Variants in SLC25A16 observed in about 807,000 individuals in gnomAD.
SLC25A16 encodes mitochondrial coenzyme A transporter SLC25A16.
A neutral mutation model predicts 41.5 loss-of-function variants in SLC25A16; 39 were observed. The ratio of observed to expected loss-of-function variants is 0.94; its 90% confidence interval spans 0.73 to 1.23. The LOEUF is 1.23. SLC25A16 is among the 50% of genes most tolerant of loss of function. The pLI is 0.00. For missense variants in SLC25A16, 421 were observed against 426.9 expected (o/e 0.99, Z 0.12); for synonymous variants, 146 against 147.8 (o/e 0.99, Z 0.09).
At chr10:68,515,759 T>C (rs574913874) in intron 2 of SLC25A16, among the ~76,000 whole-genome samples, 3 of 152,082 alleles carry the variant, frequency 2.0e-5, no homozygotes, top group South Asian at 2.1e-4. Flanking sequence ...GGTCGCGCCA[T>C]TGCACTCCAG....
Position 68,483,233 on chromosome 10 carries a change from A to C in SLC25A16, c.*199T>G. ...TAGGAATATTTTCTTCAATGTTCTAAGGTATAATGTTTGGCATCAAAAAGT... is the reference window on the plus strand; with the variant it reads ...TAGGAATATTTTCTTCAATGTTCTACGGTATAATGTTTGGCATCAAAAAGT... On this transcript the variant is annotated 3_prime_UTR_variant, in exon 9 of 9. Coordinates refer to ENST00000609923, the MANE Select transcript of SLC25A16 (RefSeq NM_152707.4). The C allele has an allele frequency of 2.2e-6, 1 of 453,468 alleles. No individual in the cohort carries two copies. The highest frequency in any genetic ancestry group is 3.9e-6 in the Non-Finnish European group (1 of 256,314). 28.1% of individuals were successfully genotyped at this position (453,468 alleles called of 1,614,324 possible). A position where few individuals can be genotyped will look rare whatever the true frequency, so the allele number is the denominator to read the frequency against.
intron 4 of SLC25A16, among the ~76,000 whole-genome samples, chr10:68,497,583 T>TTTTTCTTC (rs976338103): frequency 6.6e-6 from 1 of 151,950 alleles, no homozygotes; most frequent in African/African-American, 2.4e-5. Context: ...ACTGTATGTC[T>TTTTTCTTC]TTTTCTTCTT....
Position 68,487,089 on chromosome 10 carries a change from G to C in SLC25A16, c.842+55C>G, listed in dbSNP as rs2052576855. 7 of 1,358,474 alleles carry C rather than the reference G, an allele frequency of 5.2e-6. No individual in the cohort carries two copies. The Admixed American group carries it at 1.2e-4, about 23-fold the overall frequency. 84.2% of individuals were successfully genotyped at this position (1,358,474 alleles called of 1,614,324 possible). ...CAAACTAGAGTCCTATCTCCTTACTGAGTTTAATGTTACATTTCCTAAAGA... is the reference window on the plus strand; with the variant it reads ...CAAACTAGAGTCCTATCTCCTTACTCAGTTTAATGTTACATTTCCTAAAGA... On this transcript the variant is annotated intron_variant, in intron 8 of 8. Transcript: ENST00000609923.
chr10:68,498,983 AT>A (rs750487002), intron 4 of SLC25A16, among the ~76,000 whole-genome samples: 3 of 152,204 alleles, frequency 2.0e-5, no homozygotes, highest in Non-Finnish European at 4.4e-5. Flanking sequence ...CCAAAAAGTC[AT>A]TGGCATGGAA....
intron 1 of SLC25A16, among the ~76,000 whole-genome samples, chr10:68,521,282 T>C (rs1379637179): frequency 2.0e-5 from 3 of 151,996 alleles, no homozygotes; most frequent in South Asian, 2.1e-4. Flanking sequence ...TTAATGCCTG[T>C]AATCCCAGCA....
chr10:68,518,734 A>G (rs1176595164), intron 1 of SLC25A16, among the ~76,000 whole-genome samples: 1 of 151,866 alleles, frequency 6.6e-6, no homozygotes, highest in Non-Finnish European at 1.5e-5. Flanking sequence ...AGATCGCACC[A>G]CTGCACTCCA....
intron 8 of SLC25A16, among the ~76,000 whole-genome samples, chr10:68,484,774 G>A (rs903572634): frequency 2.0e-5 from 3 of 152,036 alleles, no homozygotes; most frequent in African/African-American, 7.2e-5. Flanking sequence ...GGGTGAACAC[G>A]GCAATCCAAA....
At chr10:68,508,714 A>T (rs184816309) in intron 2 of SLC25A16, among the ~76,000 whole-genome samples, 1 of 151,106 alleles carries the variant, frequency 6.6e-6, no homozygotes, top group Non-Finnish European at 1.5e-5. Context: ...GGGAAACTCC[A>T]TCTCAAAAAA....
chr10:68,484,048 A>G (rs2052520164), intron 8 of SLC25A16, among the ~76,000 whole-genome samples: 3 of 152,362 alleles, frequency 2.0e-5, no homozygotes, highest in East Asian at 1.9e-4. Flanking sequence ...AAATTTTTTC[A>G]TAATAAAAAG....
At chr10:68,522,606 G>A (rs900393550) in intron 1 of SLC25A16, among the ~76,000 whole-genome samples, 1 of 152,080 alleles carries the variant, frequency 6.6e-6, no homozygotes, top group Non-Finnish European at 1.5e-5. Context: ...ACGAGGTCAG[G>A]AGATCAAGAC....
chr10:68,498,112 A>G (rs1176972200), intron 4 of SLC25A16, among the ~76,000 whole-genome samples: 1 of 152,154 alleles, frequency 6.6e-6, no homozygotes, highest in Non-Finnish European at 1.5e-5. Flanking sequence ...AGGACTTAAG[A>G]GTAGAGGCCT....
At chr10:68,487,117 A>G (rs10998222) in intron 8 of SLC25A16, 27 bp downstream of exon 8, 85,077 of 1,578,586 alleles carry the variant, frequency 0.054, 4,232 homozygotes, top group African/African-American at 0.26. Context: ...CCTAAAGAAA[A>G]TGAACAATGA....
Position 68,527,388 on chromosome 10 carries a change from C to A in SLC25A16, c.-13G>T. The A allele has an allele frequency of 6.8e-7, 1 of 1,478,566 alleles. No individual in the cohort carries two copies. The highest frequency in any genetic ancestry group is 8.9e-7 in the Non-Finnish European group (1 of 1,122,416). 91.6% of individuals were successfully genotyped at this position (1,478,566 alleles called of 1,614,324 possible). ...TCGCCGCCGCCATCAGGACCAGGGT[C>A]GCGTCAGGAGCCTAGGTTGCCAACT... On this transcript the variant is annotated 5_prime_UTR_variant, in exon 1 of 9. Transcript: ENST00000609923.
Position 68,479,024 on chromosome 10 carries a change from G to A in SLC25A16, c.*4408C>T, listed in dbSNP as rs2052456939. 1 of 152,198 alleles carries A rather than the reference G, an allele frequency of 6.6e-6. No individual in the cohort carries two copies. The highest frequency in any genetic ancestry group is 2.1e-4 in the South Asian group (1 of 4,832). 9.4% of individuals were successfully genotyped at this position (152,198 alleles called of 1,614,324 possible). On this transcript the variant is annotated 3_prime_UTR_variant, in exon 9 of 9. Transcript: ENST00000609923. ...GCCCACCTTGGCCTCCCAAAGTGCT[G>A]GGATTACAGGCGTGAGCCACCATGC... is the stretch of plus-strand genomic sequence containing the variant.
At chr10:68,499,719 T>C (rs1285618831) in intron 4 of SLC25A16, 1 of 402,032 alleles carries the variant, frequency 2.5e-6, no homozygotes, top group Non-Finnish European at 4.9e-6. Context: ...GAGGACACTA[T>C]AAAGGTCAGC....
chr10:68,495,781 C>CAAAAAAA (rs60845242), intron 4 of SLC25A16, among the ~76,000 whole-genome samples: 3 of 89,626 alleles, frequency 3.3e-5, no homozygotes, highest in Non-Finnish European at 4.2e-5. Flanking sequence ...GACTATGTCT[C>CAAAAAAA]AAAAAAAAAA....
chr10:68,522,688 G>A (rs1163121071), intron 1 of SLC25A16, among the ~76,000 whole-genome samples: 2 of 151,864 alleles, frequency 1.3e-5, no homozygotes, highest in Non-Finnish European at 2.9e-5. Context: ...GGTGACACAC[G>A]CCTATAGTCC....
At chr10:68,485,175 C>A (rs1359412387) in intron 8 of SLC25A16, among the ~76,000 whole-genome samples, 1 of 152,130 alleles carries the variant, frequency 6.6e-6, no homozygotes, top group South Asian at 2.1e-4. Context: ...CTGCAACCTC[C>A]GTCTCCTGGG....
intron 1 of SLC25A16, among the ~76,000 whole-genome samples, chr10:68,519,720 G>A (rs2133595359): frequency 6.6e-6 from 1 of 151,736 alleles, no homozygotes; most frequent in East Asian, 2.0e-4. Context: ...TTCGAGACCA[G>A]CCTAGCCAAC....
Sources: allele counts gnomAD v4.1 joint callset (sites outside exome capture counted in the v4.1 genomes callset), GRCh38; gene constraint gnomAD v4.1.1; transcripts MANE v1.5; gene names NCBI Gene and HGNC (gene_info 2026-07-23, HGNC 2026-07-21).